The following IL1RAP variants were observed in gnomAD, a reference collection of about 807,000 sequenced individuals.
IL1RAP encodes interleukin-1 receptor accessory protein.
Under a neutral mutation model 60.7 loss-of-function variants are expected in IL1RAP, and 35 were observed. The ratio of observed to expected loss-of-function variants is 0.58; its 90% confidence interval spans 0.44 to 0.76. The LOEUF (loss-of-function observed/expected upper bound fraction) is 0.76. Among genes scored for constraint, IL1RAP ranks in the 30% least tolerant of loss-of-function variants. The pLI, the probability that IL1RAP is intolerant of heterozygous loss-of-function variation, is 0.00. For synonymous variants in IL1RAP, 268 were observed against 250.9 expected, an observed-to-expected ratio of 1.07 and a Z score of -0.64; for missense variants, 572 against 693.9, an observed-to-expected ratio of 0.82 and a Z score of 1.97.
In IL1RAP at chr3:190,630,473, T is replaced by A. The variant is rs141652073; in HGVS notation, c.1051+975T>A. 1.2e-3 allele frequency among the ~76,000 whole-genome samples: 177 copies of A among 152,326 alleles called. 1 individual carries two copies. The Middle Eastern group carries it at 0.017, about 15-fold the overall frequency. ...AGAGTGTGTAATATTTCTTCAAAAG[T>A]GAATAACATAGCACATAATTGTTAC... On this transcript the variant is annotated intron_variant, in intron 9 of 11. Coordinates refer to ENST00000447382, the MANE Select transcript of IL1RAP (RefSeq NM_002182.4).
chr3:190,524,082 C>T (rs1490661665), intron 1 of IL1RAP, among the ~76,000 whole-genome samples: 8 of 151,966 alleles, frequency 5.3e-5, no homozygotes, highest in African/African-American at 1.7e-4. Flanking sequence ...GATGGTATCT[C>T]GTTGTAGTTT....
intron 2 of IL1RAP, among the ~76,000 whole-genome samples, chr3:190,557,640 T>A (rs1352743989): frequency 6.6e-6 from 1 of 152,200 alleles, no homozygotes; most frequent in Non-Finnish European, 1.5e-5. Flanking sequence ...GAATATTCAG[T>A]GCTTAATGAC....
At chr3:190,637,994 T>A (rs1055249233) in intron 9 of IL1RAP, among the ~76,000 whole-genome samples, 3 of 152,120 alleles carry the variant, frequency 2.0e-5, no homozygotes, top group African/African-American at 7.2e-5. Flanking sequence ...GGTTTTGTTT[T>A]GTTTTTGTTT....
At chr3:190,559,947 T>C (rs561172404) in intron 2 of IL1RAP, among the ~76,000 whole-genome samples, 1 of 152,192 alleles carries the variant, frequency 6.6e-6, no homozygotes, top group Admixed American at 6.5e-5. Context: ...GTCTTCCATG[T>C]CACTTTGCCA....
In IL1RAP at chr3:190,640,671, C is replaced by T. The variant is rs114150481; in HGVS notation, c.1052-3577C>T. On this transcript the variant is annotated intron_variant, in intron 9 of 11. Transcript: ENST00000447382. ...GCTCCAACTGCAATAATAAAGATGA[C>T]GGAAATCACTCAGATTTCCTAGAGA... 5.7e-3 allele frequency among the ~76,000 whole-genome samples: 862 copies of T among 152,148 alleles called. 6 individuals carry two copies. The highest frequency in any genetic ancestry group is 0.018 in the African/African-American group (766 of 41,502).
intron 1 of IL1RAP, among the ~76,000 whole-genome samples, chr3:190,515,893 A>G (rs1196586027): frequency 6.6e-6 from 1 of 152,062 alleles, no homozygotes; most frequent in Admixed American, 6.6e-5. Context: ...ACCTTTCTGG[A>G]CACAAACTTG....
At chr3:190,571,080 A>G (rs1029825260) in intron 3 of IL1RAP, among the ~76,000 whole-genome samples, 2 of 151,106 alleles carry the variant, frequency 1.3e-5, no homozygotes, top group African/African-American at 4.9e-5. Flanking sequence ...ACGTGTAGAT[A>G]CTCAAGAGGA....
At chr3:190,548,786 G>A (rs920536509) in intron 1 of IL1RAP, among the ~76,000 whole-genome samples, 17 of 152,214 alleles carry the variant, frequency 1.1e-4, no homozygotes, top group Admixed American at 2.6e-4. Flanking sequence ...TCTTGAATTA[G>A]GCTGTGGGAA....
rs147701009 is a variant in IL1RAP at position 190,590,376 on chromosome 3, C to T, written c.65-13752C>T. On this transcript the variant is annotated intron_variant, in intron 3 of 11. Transcript: ENST00000447382. Reference sequence around the variant, plus strand: ...GTTCAAGCAATTCTCCTGCCTCACCCTCCCAAGTAGCTGGGACTACAGGTG... The same window carrying T: ...GTTCAAGCAATTCTCCTGCCTCACCTTCCCAAGTAGCTGGGACTACAGGTG... Among the ~76,000 whole-genome samples, 55 of 152,182 alleles carry T rather than the reference C, an allele frequency of 3.6e-4. 1 individual carries two copies. The highest frequency in any genetic ancestry group is 1.3e-3 in the African/African-American group (54 of 41,534).
intron 10 of IL1RAP, 56 bp downstream of exon 10, chr3:190,644,453 T>A: frequency 7.4e-7 from 1 of 1,343,052 alleles, no homozygotes; most frequent in Non-Finnish European, 1.0e-6. Context: ...AGAACATATG[T>A]TGTAAAAAAA....
downstream of IL1RAP, among the ~76,000 whole-genome samples, chr3:190,652,251 CAGG>C (rs10540435): frequency 0.029 from 4,440 of 151,846 alleles, 152 homozygotes; most frequent in African/African-American, 0.091. Context: ...ATCAAGAGGT[CAGG>C]AGATCGAGAC....
downstream of IL1RAP, among the ~76,000 whole-genome samples, chr3:190,655,616 G>GTCT (rs1326652263): frequency 6.9e-6 from 1 of 144,248 alleles, no homozygotes; most frequent in Non-Finnish European, 1.5e-5. Context: ...TTTTAAGAAA[G>GTCT]ACTTATTGAA....
intron 4 of IL1RAP, among the ~76,000 whole-genome samples, chr3:190,605,714 T>C (rs533163991): frequency 6.6e-6 from 1 of 152,288 alleles, no homozygotes; most frequent in South Asian, 2.1e-4. Flanking sequence ...CTCCTTGTCT[T>C]TACATGGTCT....
chr3:190,593,038 C>A (rs1162581856), intron 3 of IL1RAP, among the ~76,000 whole-genome samples: 3 of 152,016 alleles, frequency 2.0e-5, no homozygotes, highest in Non-Finnish European at 4.4e-5. Flanking sequence ...TCTAATGAAA[C>A]TGAAACCGTG....
At chr3:190,633,322 T>C (rs566409695) in intron 9 of IL1RAP, among the ~76,000 whole-genome samples, 1 of 152,336 alleles carries the variant, frequency 6.6e-6, no homozygotes, top group East Asian at 1.9e-4. Flanking sequence ...AATGTATGCC[T>C]AAATATTTTG....
intron 1 of IL1RAP, among the ~76,000 whole-genome samples, chr3:190,541,834 G>A (rs1280902935): frequency 1.3e-5 from 2 of 151,976 alleles, no homozygotes; most frequent in South Asian, 2.1e-4. Flanking sequence ...CAACCTATTC[G>A]AAATGCCCAT....
At chr3:190,528,609 G>T (rs1470120842) in intron 1 of IL1RAP, among the ~76,000 whole-genome samples, 2 of 152,054 alleles carry the variant, frequency 1.3e-5, no homozygotes, top group Non-Finnish European at 2.9e-5. Context: ...GAGATATAGA[G>T]AATTAAAAAA....
At position 190,620,290 on chromosome 3, in the gene IL1RAP, C is replaced by T; in HGVS notation, c.553C>T (p.Gln185Ter). The T allele has an allele frequency of 6.6e-7, 1 of 1,520,906 alleles. No individual in the cohort carries two copies. The allele number at this position is 1,520,906 out of a possible 1,614,324, so 94.2% of individuals were successfully genotyped here. A position where few individuals can be genotyped will look rare whatever the true frequency, so the allele number is the denominator to read the frequency against. Residue 185 changes from glutamine (Q) to a stop codon, truncating the protein, a stop_gained, in exon 6 of 12, where the codon CAG becomes TAG. Coordinates refer to ENST00000447382, the MANE Select transcript of IL1RAP (RefSeq NM_002182.4). LOFTEE classifies it high-confidence loss of function. ...CTTTTTCTAGGGCTGTTATAAAATA[C>T]AGAATTTTAATAATGTAATACCCGA... ...ITWYMGCYKIQNFNNVIPEGM... is the reference protein window; with the variant it reads ...ITWYMGCYKI
intron 5 of IL1RAP, among the ~76,000 whole-genome samples, chr3:190,612,795 A>G (rs1224552851): frequency 6.6e-6 from 1 of 152,234 alleles, no homozygotes; most frequent in Non-Finnish European, 1.5e-5. Context: ...TAAAACCGTC[A>G]TAAGTTGGGG....
Sources: allele counts gnomAD v4.1 joint callset (sites outside exome capture counted in the v4.1 genomes callset), GRCh38; gene constraint gnomAD v4.1.1; transcripts MANE v1.5; gene names NCBI Gene and HGNC (gene_info 2026-07-23, HGNC 2026-07-21).